CEP250: variants seen among roughly 807,000 people sequenced by gnomAD.
CEP250 encodes centrosomal protein 250.
CEP250 carries 242 observed loss-of-function variants against 315.7 expected under a neutral mutation model. The observed-to-expected ratio is 0.77, with a 90% CI of 0.69 to 0.85. CEP250 has a LOEUF of 0.85. Among genes scored for constraint, CEP250 ranks in the 40% least tolerant of loss-of-function variants. The pLI, the probability that CEP250 is intolerant of heterozygous loss-of-function variation, is 0.00. For missense variants in CEP250, 2,515 were observed against 2,886.4 expected, an observed-to-expected ratio of 0.87 and a Z score of 2.95; for synonymous variants, 1,088 against 1,175.0, an observed-to-expected ratio of 0.93 and a Z score of 1.51.
intron 19 of CEP250, 70 bp downstream of exon 19, chr20:35,479,843 G>T: frequency 1.2e-6 from 2 of 1,609,538 alleles, no homozygotes; most frequent in Non-Finnish European, 1.7e-6. Context: ...GATGGTGGGA[G>T]ACTATTAGAG....
rs530427521 is a variant in CEP250, at chr20:35,463,703, T to C, written c.243+72T>C. On this transcript the variant is annotated intron_variant, in intron 5 of 34. Coordinates refer to ENST00000397527, the MANE Select transcript of CEP250 (RefSeq NM_007186.6). Reference sequence around the variant, plus strand: ...TACTTGTTAGGTTTCATTTGTTGACTGAGGGAGGTTGGAGTGTACAAGTGA... The same window carrying C: ...TACTTGTTAGGTTTCATTTGTTGACCGAGGGAGGTTGGAGTGTACAAGTGA... The C allele has an allele frequency of 1.5e-5, 20 of 1,323,910 alleles. No individual in the cohort carries two copies. In the East Asian group the frequency reaches 5.3e-4, roughly 35 times the overall value. 82.0% of individuals were successfully genotyped at this position (1,323,910 alleles called of 1,614,324 possible).
chr20:35,484,324 G>A (rs377237625), intron 20 of CEP250, among the ~76,000 whole-genome samples: 1 of 152,106 alleles, frequency 6.6e-6, no homozygotes, highest in Non-Finnish European at 1.5e-5. Flanking sequence ...TAGCATCCCA[G>A]GACCACCTTA....
chr20:35,503,184 G>A lies in CEP250; in HGVS notation c.4815G>A (p.Gln1605=), dbSNP rs1333525954. 1 of 1,614,098 alleles carries A rather than the reference G, an allele frequency of 6.2e-7. No individual in the cohort carries two copies. The highest frequency in any genetic ancestry group is 2.2e-5 in the East Asian group (1 of 44,876). ...TAGAAGAAAGGAGCCAGGAGCTGCAGGCACAAAGCAGCCAGATCCATGACC... is the reference window on the plus strand; with the variant it reads ...TAGAAGAAAGGAGCCAGGAGCTGCAAGCACAAAGCAGCCAGATCCATGACC... ...LDLEERSQEL[Q]AQSSQIHDLE... Residue 1605 remains glutamine, a synonymous_variant, in exon 30 of 35, where the codon CAG becomes CAA. Transcript: ENST00000397527. This position sits in a 1 kb window ranked among gnomAD's most constrained non-coding sequence, Gnocchi z 4.2.
Position 35,465,806 on chromosome 20 carries a change from T to C in CEP250, c.307T>C (p.Leu103=), listed in dbSNP as rs1266596933. The C allele has an allele frequency of 5.6e-6, 9 of 1,609,458 alleles. No homozygotes were observed. Among genetic ancestry groups the C allele is most frequent in the Middle Eastern group, 1.7e-4 (1 of 5,762 alleles). ...AAACCTGGATGAGCTGCTGGTCCGA[T>C]TGGAGGAGGAGCAACAGAGGTGATG... ...EPNLDELLVR[L]EEEQQRCESL... Residue 103 remains leucine, a synonymous_variant, in exon 6 of 35, where the codon TTG becomes CTG. Transcript: ENST00000397527.
At chr20:35,500,977 T>C (rs1280841571) in intron 28 of CEP250, among the ~76,000 whole-genome samples, 3 of 152,162 alleles carry the variant, frequency 2.0e-5, no homozygotes, top group African/African-American at 4.8e-5. Flanking sequence ...TTGTCATCCA[T>C]GTTACTTATT....
At chr20:35,487,351 T>G (rs907277940) in intron 20 of CEP250, among the ~76,000 whole-genome samples, 1 of 151,978 alleles carries the variant, frequency 6.6e-6, no homozygotes, top group Non-Finnish European at 1.5e-5. Flanking sequence ...GCACCTGTAA[T>G]CCCAGCTACT....
Position 35,475,607 on chromosome 20 carries a change from G to C in CEP250, c.1677G>C (p.Leu559=). The C allele has an allele frequency of 6.2e-7, 1 of 1,614,130 alleles. No homozygotes were observed. Among genetic ancestry groups the C allele is most frequent in the Non-Finnish European group, 8.5e-7 (1 of 1,180,018 alleles). Reference sequence around the variant, plus strand: ...CAAGTCACCTGGAAGGGGAGTTACTGAGGCAAGAGCAAACGGAAGTGACCG... The same window carrying C: ...CAAGTCACCTGGAAGGGGAGTTACTCAGGCAAGAGCAAACGGAAGTGACCG... The part of the protein sequence containing the change: ...LESSHLEGEL[L]RQEQTEVTAA... Residue 559 remains leucine, a synonymous_variant, in exon 15 of 35, where the codon CTG becomes CTC. Coordinates refer to ENST00000397527, the MANE Select transcript of CEP250 (RefSeq NM_007186.6).
chr20:35,504,297 C>G lies in CEP250; in HGVS notation c.5928C>G (p.Ala1976=). Reference sequence around the variant, plus strand: ...AGGCCCTTGGCAAGGCTCATGCTGCCCTGCAGGGGAAAGAGCAGCATCTCC... The same window carrying G: ...AGGCCCTTGGCAAGGCTCATGCTGCGCTGCAGGGGAAAGAGCAGCATCTCC... ...LQEALGKAHA[A]LQGKEQHLLE... is the part of the protein sequence containing the mutation. The change falls in exon 30 of 35, where the codon GCC becomes GCG. Residue 1976 remains alanine, a synonymous_variant. Coordinates refer to ENST00000397527, the MANE Select transcript of CEP250 (RefSeq NM_007186.6). 1 of 1,587,742 alleles carries G rather than the reference C, an allele frequency of 6.3e-7. No homozygotes were observed.
chr20:35,455,382 G>C (rs532674494), upstream of CEP250: 1 of 152,406 alleles, frequency 6.6e-6, no homozygotes, highest in South Asian at 2.1e-4. Flanking sequence ...CCAGAGAGGG[G>C]CTGGGACGCG....
At position 35,513,521 on chromosome 20, in the gene CEP250, ATGT is replaced by A. The variant is rs1488472910; in HGVS notation, c.*1898_*1900del. On this transcript the variant is annotated 3_prime_UTR_variant, in exon 35 of 35. Transcript: ENST00000397527. Reference sequence around the variant, plus strand: ...GATCCACCCACCTCGGCCTCCCAAAATGTTGGGATTACGGGCATGAGCCACCGC... The same window carrying A: ...GATCCACCCACCTCGGCCTCCCAAAATGGGATTACGGGCATGAGCCACCGC... The A allele has an allele frequency of 6.6e-6, 1 of 151,968 alleles. No homozygotes were observed. Among genetic ancestry groups the A allele is most frequent in the Non-Finnish European group, 1.5e-5 (1 of 68,020 alleles). The allele number at this position is 151,968 out of a possible 1,614,324, so 9.4% of individuals were successfully genotyped here. A position where few individuals can be genotyped will look rare whatever the true frequency, so the allele number is the denominator to read the frequency against.
intron 8 of CEP250, 25 bp downstream of exon 8, chr20:35,467,097 G>A (rs1023843258): frequency 2.1e-5 from 33 of 1,543,292 alleles, no homozygotes; most frequent in African/African-American, 2.8e-5. Flanking sequence ...AAGAAGGGAG[G>A]AGGTTTGCCC....
chr20:35,467,152 A>G, intron 8 of CEP250, 80 bp downstream of exon 8: 1 of 525,202 alleles, frequency 1.9e-6, no homozygotes, highest in South Asian at 1.7e-5. Flanking sequence ...TAGAAGCGGG[A>G]TCAGCTGTGG....
intron 2 of CEP250, among the ~76,000 whole-genome samples, chr20:35,459,355 T>G (rs1162702120): frequency 6.6e-6 from 1 of 152,088 alleles, no homozygotes; most frequent in Admixed American, 6.6e-5. Flanking sequence ...CCTTGCCAAA[T>G]CATGTTTGCA....
At chr20:35,475,762 G>A (rs1411344159) in intron 15 of CEP250, 116 bp downstream of exon 15, 4 of 1,158,758 alleles carry the variant, frequency 3.5e-6, no homozygotes, top group East Asian at 2.4e-5. Context: ...TCAATCATTA[G>A]TCTGCTTCTG....
At chr20:35,464,124 T>G (rs1176390111) in intron 5 of CEP250, among the ~76,000 whole-genome samples, 1 of 152,250 alleles carries the variant, frequency 6.6e-6, no homozygotes, top group Non-Finnish European at 1.5e-5. Context: ...CCAGGCAGCA[T>G]GAGGCACTGT....
chr20:35,495,574 A>G (rs2063813467), intron 24 of CEP250, among the ~76,000 whole-genome samples: 1 of 152,184 alleles, frequency 6.6e-6, no homozygotes, highest in African/African-American at 2.4e-5. Context: ...AGCCTGGCCA[A>G]CATGTCTACT....
intron 4 of CEP250, 55 bp downstream of exon 4, chr20:35,462,608 G>A: frequency 4.8e-6 from 7 of 1,467,058 alleles, no homozygotes; most frequent in Non-Finnish European, 4.6e-6. Flanking sequence ...AGAGCTAGGT[G>A]CTGAGGTGAG....
chr20:35,464,336 A>G (rs2062824322), intron 5 of CEP250, among the ~76,000 whole-genome samples: 1 of 152,096 alleles, frequency 6.6e-6, no homozygotes. Flanking sequence ...ACAGGGTCCT[A>G]CTTACTCTGT....
At chr20:35,465,976 A>G in intron 6 of CEP250, 63 bp from the exon 7 acceptor site, 1 of 1,587,454 alleles carries the variant, frequency 6.3e-7, no homozygotes, top group Non-Finnish European at 8.6e-7. Context: ...TCTTACTCCC[A>G]GGAGGTCCAA....
Sources: allele counts gnomAD v4.1 joint callset (sites outside exome capture counted in the v4.1 genomes callset), GRCh38; gene constraint gnomAD v4.1.1; non-coding constraint Gnocchi (gnomAD v3.1); transcripts MANE v1.5; gene names NCBI Gene and HGNC (gene_info 2026-07-23, HGNC 2026-07-21).